Variants in CCDC18 observed in about 807,000 individuals in gnomAD.
The protein encoded by CCDC18 is coiled-coil domain containing 18, also known as coiled-coil domain-containing protein 18.
In CCDC18, 157 loss-of-function variants were observed where a neutral mutation model predicts 196.0. That is an observed-to-expected ratio of 0.80 (90% confidence interval 0.70 to 0.91). CCDC18 has a LOEUF of 0.91. Among genes scored for constraint, CCDC18 ranks in the 40% least tolerant of loss-of-function variants. CCDC18 has a pLI of 0.00. For synonymous variants in CCDC18, 482 were observed against 529.2 expected (o/e 0.91, Z 1.22); for missense variants, 1,465 against 1,611.6 (o/e 0.91, Z 1.56).
intron 25 of CCDC18, 84 bp downstream of exon 25, chr1:93,256,622 CA>C (rs1490179581): frequency 9.3e-7 from 1 of 1,076,862 alleles, no homozygotes; most frequent in Non-Finnish European, 1.4e-6. Flanking sequence ...ATAGTTCTTT[CA>C]AAAATGAACT....
chr1:93,247,889 G>C (rs1354772799), intron 23 of CCDC18, among the ~76,000 whole-genome samples: 7 of 151,988 alleles, frequency 4.6e-5, no homozygotes, highest in Non-Finnish European at 8.8e-5. Flanking sequence ...AATAATAGTG[G>C]TGAAAGTGGG....
chr1:93,233,151 G>A (rs920194199), intron 18 of CCDC18, among the ~76,000 whole-genome samples: 12 of 151,888 alleles, frequency 7.9e-5, no homozygotes, highest in African/African-American at 2.7e-4. Context: ...CTCTCTTCTT[G>A]TACCTAATCT....
In CCDC18 at chr1:93,214,757, G is replaced by T; in HGVS notation, c.1510G>T (p.Asp504Tyr). Residue 504 changes from aspartate to tyrosine, a missense_variant, in exon 12 of 29, where the codon GAT (aspartate) becomes TAT (tyrosine). Coordinates refer to ENST00000690025, the MANE Select transcript of CCDC18 (RefSeq NM_001378204.1). ...ATGTTTATTAGCAGAAAGCGTAAAA[G>T]ATCAAAATCAACATACTATGAACAA... ...GGHQVAESVK[D>Y]QNQHTMNKQY... The T allele has an allele frequency of 6.2e-7, 1 of 1,610,722 alleles. No homozygotes were observed. Among genetic ancestry groups the T allele is most frequent in the Non-Finnish European group, 8.5e-7 (1 of 1,178,958 alleles).
chr1:93,254,353 C>G (rs925776546), intron 23 of CCDC18, 118 bp from the exon 24 acceptor site: 2 of 694,798 alleles, frequency 2.9e-6, no homozygotes, highest in Non-Finnish European at 4.7e-6. Context: ...ATTGCCTTAA[C>G]CTATTTATAT....
intron 6 of CCDC18, among the ~76,000 whole-genome samples, chr1:93,198,155 C>T (rs1002202624): frequency 6.6e-6 from 1 of 152,168 alleles, no homozygotes; most frequent in Non-Finnish European, 1.5e-5. Context: ...TATGATCCAG[C>T]ATTCATTTCA....
At chr1:93,229,192 A>C (rs1016618008) in intron 17 of CCDC18, among the ~76,000 whole-genome samples, 2 of 152,228 alleles carry the variant, frequency 1.3e-5, no homozygotes, top group Non-Finnish European at 2.9e-5. Context: ...GGAGTAAGTA[A>C]ATTAGAAAGA....
chr1:93,226,298 G>GTTTTTTTTTTTT (rs34227600), intron 16 of CCDC18, 35 bp from the exon 17 acceptor site: 37 of 590,460 alleles, frequency 6.3e-5, no homozygotes, highest in East Asian at 1.7e-4. Context: ...ATCGTTTTGT[G>GTTTTTTTTTTTT]TTTTTTTTTT....
chr1:93,180,219 G>T (rs746120271), upstream of CCDC18: 15 of 1,612,036 alleles, frequency 9.3e-6, no homozygotes, highest in Non-Finnish European at 1.3e-5. Context: ...GCACGGGGAA[G>T]GGCAGCCAGA....
intron 2 of CCDC18, 64 bp from the exon 3 acceptor site, chr1:93,183,914 G>A (rs1650180553): frequency 9.7e-7 from 1 of 1,030,674 alleles, no homozygotes; most frequent in South Asian, 2.6e-5. Context: ...CTTATTTAAT[G>A]TATAGCAATT....
At chr1:93,217,940 T>G in intron 14 of CCDC18, 71 bp downstream of exon 14, 1 of 1,285,712 alleles carries the variant, frequency 7.8e-7, no homozygotes, top group Non-Finnish European at 1.1e-6. Context: ...GCATTTTTTA[T>G]TTTGTAGACG....
intron 9 of CCDC18, among the ~76,000 whole-genome samples, chr1:93,207,991 A>T (rs573184379): frequency 8.6e-5 from 13 of 151,904 alleles, no homozygotes; most frequent in African/African-American, 1.4e-4. Flanking sequence ...CATTATATAG[A>T]TATGTTATAT....
chr1:93,265,469 A>G (rs1344894875), intron 27 of CCDC18, among the ~76,000 whole-genome samples: 6 of 152,368 alleles, frequency 3.9e-5, no homozygotes, highest in Admixed American at 3.9e-4. Flanking sequence ...TAACTTAAAT[A>G]AAATCCTACT....
At chr1:93,270,042 T>C (rs530771573) in intron 27 of CCDC18, among the ~76,000 whole-genome samples, 1 of 152,268 alleles carries the variant, frequency 6.6e-6, no homozygotes, top group East Asian at 1.9e-4. Flanking sequence ...TTTTTAGGTG[T>C]AAGATTTCAA....
chr1:93,226,430 T>C lies in CCDC18; in HGVS notation c.2273T>C (p.Leu758Ser), dbSNP rs769907255. 2.7e-6 allele frequency: 4 copies of C among 1,508,100 alleles called. No homozygotes were observed. The highest frequency in any genetic ancestry group is 2.3e-5 in the South Asian group (2 of 87,822). 93.4% of individuals were successfully genotyped at this position (1,508,100 alleles called of 1,614,324 possible). Reference sequence around the variant, plus strand: ...AATAAGGAAAAGTTTGAAAAACAGTTAAAGAAGAAATCTGAAGAGGTAAAT... The same window carrying C: ...AATAAGGAAAAGTTTGAAAAACAGTCAAAGAAGAAATCTGAAGAGGTAAAT... ...EGNKEKFEKQLKKKSEEVYCL... is the reference protein window; with the variant it reads ...EGNKEKFEKQSKKKSEEVYCL... Residue 758 changes from leucine (L) to serine (S), a missense_variant, in exon 17 of 29, where the codon TTA (leucine) becomes TCA (serine). Leu to Ser is a moderately radical substitution (Grantham distance 145). Transcript: ENST00000690025.
intron 23 of CCDC18, among the ~76,000 whole-genome samples, chr1:93,248,222 C>T (rs566142968): frequency 6.6e-6 from 1 of 151,716 alleles, no homozygotes; most frequent in East Asian, 1.9e-4. Flanking sequence ...ACCATCTTGG[C>T]CAGGCTGGTC....
chr1:93,267,483 G>A (rs1664686842), intron 27 of CCDC18, among the ~76,000 whole-genome samples: 1 of 152,152 alleles, frequency 6.6e-6, no homozygotes, highest in South Asian at 2.1e-4. Flanking sequence ...ATTCAATTAG[G>A]AAAAGAGGAA....
At chr1:93,277,291 T>G (rs1268549835) in intron 28 of CCDC18, among the ~76,000 whole-genome samples, 9 of 34,994 alleles carry the variant, frequency 2.6e-4, no homozygotes, top group African/African-American at 2.3e-3. Context: ...CAAGAGGCAT[T>G]CCTTCCTCTT....
chr1:93,192,371 A>C (rs1407125476), intron 5 of CCDC18, among the ~76,000 whole-genome samples: 2 of 152,244 alleles, frequency 1.3e-5, no homozygotes, highest in Non-Finnish European at 2.9e-5. Flanking sequence ...TTCTTCACCT[A>C]CATAGAAGTA....
chr1:93,206,542 A>G (rs1654727422), intron 8 of CCDC18, among the ~76,000 whole-genome samples: 1 of 152,132 alleles, frequency 6.6e-6, no homozygotes. Flanking sequence ...AAAACTTCAC[A>G]TTTGGAGTCT....
Sources: gnomAD v4.1 joint callset for allele counts (sites outside exome capture counted in the v4.1 genomes callset) on GRCh38, gnomAD v4.1.1 for gene constraint, MANE v1.5 for transcripts, NCBI Gene and HGNC (gene_info 2026-07-23, HGNC 2026-07-21) for gene names.